Variants in TNS1 observed in about 807,000 individuals in gnomAD.
TNS1 encodes tensin 1, also known as tensin-1.
A neutral mutation model predicts 168.6 loss-of-function variants in TNS1; 62 were observed. The ratio of observed to expected loss-of-function variants is 0.37; its 90% CI spans 0.30 to 0.45. TNS1 has a LOEUF of 0.45. TNS1 is among the 20% of genes least tolerant of loss of function. TNS1 has a pLI of 1.00. For missense variants in TNS1, 2,240 were observed against 2,339.4 expected (o/e 0.96, Z 0.88); for synonymous variants, 934 against 933.2 (o/e 1.00, Z -0.02).
In TNS1 at chr2:217,904,983, T is replaced by C. The variant is rs1953482632; in HGVS notation, c.321+1352A>G. Among the ~76,000 whole-genome samples, 3 of 152,180 alleles carry C rather than the reference T, an allele frequency of 2.0e-5. No homozygotes were observed. In the South Asian group the frequency reaches 6.2e-4, roughly 32 times the overall value. ...GGATGGAGTGGCATTCACCAAATCATTCAGCAACGCCAAGCCTCTGCTTCC... is the reference window on the plus strand; with the variant it reads ...GGATGGAGTGGCATTCACCAAATCACTCAGCAACGCCAAGCCTCTGCTTCC... On this transcript the variant is annotated intron_variant, in intron 6 of 32. Coordinates refer to ENST00000682258, the MANE Select transcript of TNS1 (RefSeq NM_001387777.1).
chr2:217,895,515 A>G (rs2125723006), intron 8 of TNS1, among the ~76,000 whole-genome samples: 1 of 152,324 alleles, frequency 6.6e-6, no homozygotes, highest in East Asian at 1.9e-4. Flanking sequence ...ACGGGAATCC[A>G]GCTGTGTGAG....
At chr2:217,860,540 G>A (rs1330119588) in intron 18 of TNS1, among the ~76,000 whole-genome samples, 4 of 152,120 alleles carry the variant, frequency 2.6e-5, no homozygotes, top group Admixed American at 2.0e-4. Flanking sequence ...CTCTTGAAAG[G>A]TTTAAGGCAC....
At chr2:217,823,019 C>T (rs1308696603) in intron 22 of TNS1, among the ~76,000 whole-genome samples, 1 of 152,192 alleles carries the variant, frequency 6.6e-6, no homozygotes, top group Non-Finnish European at 1.5e-5. Context: ...TGAAATCAGC[C>T]TGAGAAACTG....
Position 217,938,502 on chromosome 2 carries a change from G to T in TNS1, c.187-18266C>A, listed in dbSNP as rs550487761. 5.6e-4 allele frequency among the ~76,000 whole-genome samples: 85 copies of T among 152,358 alleles called. 1 individual carries two copies. Among genetic ancestry groups the T allele is most frequent in the South Asian group, 5.0e-3 (24 of 4,826 alleles). On this transcript the variant is annotated intron_variant, in intron 3 of 32. Coordinates refer to ENST00000682258, the MANE Select transcript of TNS1 (RefSeq NM_001387777.1). ...ACCAACAAGGGACTGAATTAAAGCT[G>T]CATCAAGAGGAATGCCAGTTAGATT... is the stretch of plus-strand genomic sequence containing the variant.
At chr2:217,936,501 T>C (rs1956615517) in intron 3 of TNS1, among the ~76,000 whole-genome samples, 2 of 152,038 alleles carry the variant, frequency 1.3e-5, no homozygotes, top group Admixed American at 1.3e-4. Flanking sequence ...ATGAAGTGAC[T>C]TGGGAGAGGA....
chr2:217,861,309 C>T (rs938332036), intron 18 of TNS1, among the ~76,000 whole-genome samples: 1 of 152,156 alleles, frequency 6.6e-6, no homozygotes, highest in Admixed American at 6.5e-5. Context: ...GACGTGCCTG[C>T]CCTCCTGAAT....
At position 217,847,922 on chromosome 2, in the gene TNS1, C is replaced by A; in HGVS notation, c.2595G>T (p.Gly865=). 1 of 1,524,124 alleles carries A rather than the reference C, an allele frequency of 6.6e-7. No homozygotes were observed. Among genetic ancestry groups the A allele is most frequent in the Admixed American group, 2.0e-5 (1 of 50,220 alleles). The allele number at this position is 1,524,124 out of a possible 1,614,324, so 94.4% of individuals were successfully genotyped here. The stretch of plus-strand genomic sequence containing the variant: ...GGGGCTGGGAGGAGAGTGGAGAAGC[C>A]CCTGGCCAGGCCCCGGGGACACTCT... The part of the protein sequence containing the change: ...KSQSVPGAWP[G]ASPLSSQPLS... Residue 865 remains glycine, a synonymous_variant, in exon 19 of 33, where the codon GGG becomes GGT. Coordinates refer to ENST00000682258, the MANE Select transcript of TNS1 (RefSeq NM_001387777.1).
chr2:218,029,492 A>C (rs1958875780), intron 1 of TNS1, among the ~76,000 whole-genome samples: 1 of 152,232 alleles, frequency 6.6e-6, no homozygotes, highest in Non-Finnish European at 1.5e-5. Flanking sequence ...GTAGCCCAAA[A>C]CTAGAAATGA....
At chr2:217,874,023 A>ACACACAC in intron 18 of TNS1, among the ~76,000 whole-genome samples, 1 of 111,544 alleles carries the variant, frequency 9.0e-6, no homozygotes, top group African/African-American at 3.6e-5. Flanking sequence ...CCCCCCAACC[A>ACACACAC]ACACACACAC....
chr2:217,835,725 A>G (rs1471760030), intron 20 of TNS1, among the ~76,000 whole-genome samples: 2 of 152,224 alleles, frequency 1.3e-5, no homozygotes, highest in African/African-American at 4.8e-5. Flanking sequence ...GAGTTTTGAA[A>G]TTGTGTTCAC....
At chr2:217,983,188 G>A (rs560032170) in intron 2 of TNS1, among the ~76,000 whole-genome samples, 4 of 152,242 alleles carry the variant, frequency 2.6e-5, no homozygotes, top group Admixed American at 1.3e-4. Context: ...CAGAAGGATG[G>A]GGACATGCAG....
chr2:218,014,659 C>T (rs74556061), upstream of TNS1, among the ~76,000 whole-genome samples: 2,461 of 152,240 alleles, frequency 0.016, 62 homozygotes, highest in African/African-American at 0.055. Context: ...GACATCAATA[C>T]GTTCATTTCT....
intron 16 of TNS1, 32 bp from the exon 17 acceptor site, chr2:217,882,443 CA>C (rs1559293940): frequency 6.9e-7 from 1 of 1,451,130 alleles, no homozygotes; most frequent in Non-Finnish European, 9.5e-7. Context: ...TAAAAATAGG[CA>C]AAAAGTCCCA....
intron 18 of TNS1, chr2:217,879,229 A>T: frequency 3.3e-6 from 1 of 301,710 alleles, no homozygotes; most frequent in Non-Finnish European, 6.6e-6. Flanking sequence ...TAGTTTACTA[A>T]ATGTTTTTAC....
intron 4 of TNS1, among the ~76,000 whole-genome samples, 157 bp downstream of exon 4, chr2:217,920,038 C>T (rs1452520547): frequency 6.6e-6 from 1 of 152,216 alleles, no homozygotes; most frequent in Non-Finnish European, 1.5e-5. Flanking sequence ...TCATTTCCTC[C>T]CAGGCCCGCT....
At chr2:217,834,481 C>T (rs1161252081) in intron 21 of TNS1, among the ~76,000 whole-genome samples, 1 of 152,222 alleles carries the variant, frequency 6.6e-6, no homozygotes, top group East Asian at 1.9e-4. Flanking sequence ...AGGAACACTG[C>T]CCCATGCCTT....
At chr2:218,026,862 G>A (rs1470878231) in intron 1 of TNS1, among the ~76,000 whole-genome samples, 1 of 152,220 alleles carries the variant, frequency 6.6e-6, no homozygotes, top group Non-Finnish European at 1.5e-5. Context: ...TCCCCCATGG[G>A]AATGACGTCT....
intron 19 of TNS1, chr2:217,841,413 C>A (rs1945942598): frequency 4.0e-6 from 1 of 252,332 alleles, no homozygotes; most frequent in Non-Finnish European, 6.2e-6. Flanking sequence ...ACAGAGAGTG[C>A]AGGGGACGGG....
intron 16 of TNS1, among the ~76,000 whole-genome samples, chr2:217,884,147 G>GGGGATGGATGGATGGA (rs1553596583): frequency 5.8e-5 from 7 of 119,670 alleles, no homozygotes; most frequent in African/African-American, 2.0e-4. Flanking sequence ...GGGTGGGTGG[G>GGGGATGGATGGATGGA]TGGATGGATG....
Sources: allele counts gnomAD v4.1 joint callset (sites outside exome capture counted in the v4.1 genomes callset), GRCh38; gene constraint gnomAD v4.1.1; transcripts MANE v1.5; gene names NCBI Gene and HGNC (gene_info 2026-07-23, HGNC 2026-07-21).